Variants in ABCA5 observed in about 807,000 individuals in gnomAD.
The protein encoded by ABCA5 is cholesterol transporter ABCA5.
ABCA5 carries 163 observed loss-of-function variants against 206.0 expected under a neutral mutation model. That is an observed-to-expected ratio of 0.79 (90% confidence interval 0.70 to 0.90). The LOEUF (loss-of-function observed/expected upper bound fraction) is 0.90, where lower values mean the gene tolerates loss of function less well. Ranked by LOEUF, ABCA5 falls within the 40% of genes least tolerant of loss-of-function variation. ABCA5 has a pLI of 0.00. For missense variants in ABCA5, 1,859 were observed against 1,912.9 expected (o/e 0.97, Z 0.53); for synonymous variants, 609 against 613.8 (o/e 0.99, Z 0.11).
intron 1 of ABCA5, among the ~76,000 whole-genome samples, chr17:69,323,667 A>G (rs1213900689): frequency 6.6e-6 from 1 of 152,138 alleles, no homozygotes; most frequent in Non-Finnish European, 1.5e-5. Flanking sequence ...ATCCTTGATG[A>G]AAAAAACAAC....
At chr17:69,286,838 T>C (rs919513934) in intron 15 of ABCA5, among the ~76,000 whole-genome samples, 15 of 152,232 alleles carry the variant, frequency 9.9e-5, no homozygotes, top group Non-Finnish European at 1.2e-4. Context: ...ATATCTGTCA[T>C]AGCTATTAAA....
chr17:69,286,049 CA>C lies in ABCA5; in HGVS notation c.2133-13del. 6.3e-7 allele frequency: 1 copy of C among 1,594,590 alleles called. No individual in the cohort carries two copies. ...TGTCTATGTACATGCTAGAGAATAC[CA>C]AAAATCACAATTAATGATTATACAA... On this transcript the variant is annotated splice_polypyrimidine_tract_variant and intron_variant, in intron 16 of 38. Transcript: ENST00000392676.
chr17:69,323,229 T>A (rs893908606), intron 1 of ABCA5, among the ~76,000 whole-genome samples: 1 of 152,210 alleles, frequency 6.6e-6, no homozygotes, highest in Non-Finnish European at 1.5e-5. Flanking sequence ...CTGACTGTGA[T>A]AAAAGACCCT....
chr17:69,301,219 AGAG>A lies in ABCA5; in HGVS notation c.1184_1186del (p.Pro395del). ...TGTGAGCATGATAATTGTAATAATTAGAGGATATGGGCCTGCAGTCAAATTTGA... is the reference window on the plus strand; with the variant it reads ...TGTGAGCATGATAATTGTAATAATTAGATATGGGCCTGCAGTCAAATTTGA... On this transcript the variant is annotated inframe_deletion, in exon 9 of 39. Coordinates refer to ENST00000392676, the MANE Select transcript of ABCA5 (RefSeq NM_172232.4). 4 of 1,605,064 alleles carry A rather than the reference AGAG, an allele frequency of 2.5e-6. No homozygotes were observed. The highest frequency in any genetic ancestry group is 3.4e-6 in the Non-Finnish European group (4 of 1,177,666).
chr17:69,285,820 A>G, intron 17 of ABCA5, 78 bp downstream of exon 17: 1 of 1,416,932 alleles, frequency 7.1e-7, no homozygotes, highest in Non-Finnish European at 9.5e-7. Context: ...GGAGAAGGAA[A>G]CAAAAAGGAA....
At chr17:69,262,386 C>T (rs1413720093) in intron 24 of ABCA5, among the ~76,000 whole-genome samples, 2 of 152,072 alleles carry the variant, frequency 1.3e-5, no homozygotes, top group East Asian at 3.8e-4. Context: ...GCTCCCCTTC[C>T]TCCTGCCCCC....
intron 4 of ABCA5, 111 bp downstream of exon 4, chr17:69,309,151 T>A (rs1037869543): frequency 3.6e-5 from 29 of 799,902 alleles, no homozygotes; most frequent in Non-Finnish European, 4.4e-5. Context: ...TTGGAACAAG[T>A]AAGAATAGTT....
Position 69,261,701 on chromosome 17 carries a change from A to G in ABCA5, c.3363T>C (p.Tyr1121=), listed in dbSNP as rs780478301. ...TTTTCTTAAAGGTGAAAGAAGCAAT[A>G]TAAGTGAACAGAATAACTGATGGAA... ...GYVPSVILFT[Y]IASFTFKKIL... is the part of the protein sequence containing the mutation. Residue 1121 remains tyrosine (Y), a synonymous_variant, in exon 25 of 39, where the codon TAT becomes TAC. Transcript: ENST00000392676. 2.8e-5 allele frequency: 42 copies of G among 1,517,168 alleles called. No homozygotes were observed. The highest frequency in any genetic ancestry group is 2.1e-4 in the Admixed American group (9 of 42,996). The allele number at this position is 1,517,168 out of a possible 1,614,324, so 94.0% of individuals were successfully genotyped here. A position where few individuals can be genotyped will look rare whatever the true frequency, so the allele number is the denominator to read the frequency against.
In ABCA5 at chr17:69,286,154, G is replaced by A. The variant is rs375095352; in HGVS notation, c.2132+67C>T. On this transcript the variant is annotated intron_variant, in intron 16 of 38. Coordinates refer to ENST00000392676, the MANE Select transcript of ABCA5 (RefSeq NM_172232.4). ...TGATGGTCAAAGCATATAACAGCAA[G>A]CCTCCAACATAATAACAGTATAGCA... The A allele has an allele frequency of 3.9e-5, 61 of 1,545,310 alleles. No homozygotes were observed. In the East Asian group the frequency reaches 6.3e-4, roughly 16 times the overall value.
At chr17:69,263,721 A>C (rs1327998129) in intron 24 of ABCA5, among the ~76,000 whole-genome samples, 3 of 51,510 alleles carry the variant, frequency 5.8e-5, no homozygotes, top group African/African-American at 3.0e-4. Context: ...TTTTGATAAA[A>C]AGTCTCTCTC....
In ABCA5 at chr17:69,277,624, G is replaced by T; in HGVS notation, c.2594+17C>A. 1 of 1,586,862 alleles carries T rather than the reference G, an allele frequency of 6.3e-7. No individual in the cohort carries two copies. The highest frequency in any genetic ancestry group is 2.3e-5 in the East Asian group (1 of 44,168). ...AAAAAGCAATCCATCAGGTATAAGG[G>T]TGATAATTATACTTACACTGATCTC... On this transcript the variant is annotated intron_variant, in intron 19 of 38. Coordinates refer to ENST00000392676, the MANE Select transcript of ABCA5 (RefSeq NM_172232.4).
chr17:69,308,311 A>C lies in ABCA5; in HGVS notation c.527T>G (p.Leu176Ter). 1 of 1,611,680 alleles carries C rather than the reference A, an allele frequency of 6.2e-7. No homozygotes were observed. Among genetic ancestry groups the C allele is most frequent in the Non-Finnish European group, 8.5e-7 (1 of 1,178,264 alleles). The change falls in exon 5 of 39, where the codon TTA becomes TGA. Residue 176 changes from leucine to a stop codon, truncating the protein, a stop_gained. Transcript: ENST00000392676. LOFTEE classifies it high-confidence loss of function. ...AATGGCAGCATCTATGGATGCTTGT[A>C]AAACTGTGAAACCTGAGGACCAGTA... is the stretch of plus-strand genomic sequence containing the variant. ...AQYWSSGFTV[L>*]QASIDAAIIQ...
chr17:69,261,741 C>CA lies in ABCA5; in HGVS notation c.3322dup (p.Cys1108LeufsTer21). The CA allele has an allele frequency of 1.4e-6, 2 of 1,392,156 alleles. No homozygotes were observed. Among genetic ancestry groups the CA allele is most frequent in the Non-Finnish European group, 1.9e-6 (2 of 1,041,800 alleles). 86.2% of individuals were successfully genotyped at this position (1,392,156 alleles called of 1,614,324 possible). A position where few individuals can be genotyped will look rare whatever the true frequency, so the allele number is the denominator to read the frequency against. ...AACTGATGGAACATAACCAATAAGG[C>CA]AAAAAACCTGTAAATCAGAAATATG... is the stretch of plus-strand genomic sequence containing the variant. On this transcript the variant is annotated frameshift_variant, in exon 25 of 39. Coordinates refer to ENST00000392676, the MANE Select transcript of ABCA5 (RefSeq NM_172232.4). LOFTEE classifies it high-confidence loss of function.
chr17:69,250,007 GA>G (rs754365420), intron 36 of ABCA5, 23 bp from the exon 37 acceptor site: 7 of 1,397,708 alleles, frequency 5.0e-6, no homozygotes, highest in Non-Finnish European at 5.7e-6. Context: ...ATAAAATATG[GA>G]AAAAAATTAA....
chr17:69,267,759 G>A (rs1567757195), intron 23 of ABCA5, among the ~76,000 whole-genome samples, 184 bp downstream of exon 23: 1 of 152,040 alleles, frequency 6.6e-6, no homozygotes, highest in Admixed American at 6.6e-5. Context: ...AAAGCATGTA[G>A]CAAGTCTCAA....
chr17:69,271,251 G>A lies in ABCA5; in HGVS notation c.2803C>T (p.Gln935Ter), dbSNP rs960259966. 7 of 1,612,846 alleles carry A rather than the reference G, an allele frequency of 4.3e-6. 1 individual carries two copies. In the Admixed American group the frequency reaches 1.2e-4, roughly 27 times the overall value. Residue 935 changes from glutamine to a stop codon, truncating the protein, a stop_gained, in exon 21 of 39, where the codon CAG (glutamine) becomes TAG (stop). Transcript: ENST00000392676. LOFTEE classifies it high-confidence loss of function. Reference protein sequence around the residue: ...ISDLISFFTSQNIMVTMINDS... With the variant: ...ISDLISFFTS ...TTAATCATCGTCACCATTATGTTCT[G>A]GCTTGTGAAAAAGCTAATAAGATCA...
chr17:69,252,016 A>ACTTTTATATTTTTTT, intron 34 of ABCA5, 150 bp from the exon 35 acceptor site: 1 of 612,598 alleles, frequency 1.6e-6, no homozygotes, highest in Non-Finnish European at 2.6e-6. Flanking sequence ...CCCAACTATG[A>ACTTTTATATTTTTTT]TTTTTTTTTT....
intron 21 of ABCA5, 142 bp from the exon 22 acceptor site, chr17:69,270,892 C>T (rs2075265747): frequency 1.2e-6 from 1 of 815,044 alleles, no homozygotes; most frequent in Non-Finnish European, 1.8e-6. Context: ...TACTCAATGA[C>T]AGATAAAGAC....
intron 11 of ABCA5, among the ~76,000 whole-genome samples, chr17:69,293,867 TGTGTGC>T (rs747842230): frequency 0.058 from 5,188 of 89,658 alleles, 106 homozygotes; most frequent in South Asian, 0.089. Context: ...TGTGTGTGTG[TGTGTGC>T]GTGTGTGTGT....
Sources: gnomAD v4.1 joint callset for allele counts (sites outside exome capture counted in the v4.1 genomes callset) on GRCh38, gnomAD v4.1.1 for gene constraint, MANE v1.5 for transcripts, NCBI Gene and HGNC (gene_info 2026-07-23, HGNC 2026-07-21) for gene names.